DCDC1: variants seen among roughly 807,000 people sequenced by gnomAD.
The protein encoded by DCDC1 is doublecortin domain-containing protein 1.
In DCDC1, 200 loss-of-function variants were observed where a neutral mutation model predicts 178.3. That is an observed-to-expected ratio of 1.12 (90% CI 1.00 to 1.26). The LOEUF is 1.26. Among genes scored for constraint, DCDC1 ranks in the 50% most tolerant of loss-of-function variants. DCDC1 has a pLI of 0.00. For synonymous variants in DCDC1, 690 were observed against 604.8 expected (o/e 1.14, Z -2.07); for missense variants, 1,983 against 1,749.2 (o/e 1.13, Z -2.38).
At chr11:31,234,773 T>G (rs577976625) in intron 9 of DCDC1, among the ~76,000 whole-genome samples, 1 of 152,170 alleles carries the variant, frequency 6.6e-6, no homozygotes, top group Non-Finnish European at 1.5e-5. Context: ...CAGGTGAAGA[T>G]AGAATGCTAT....
chr11:31,091,358 T>G (rs1163539153), intron 17 of DCDC1, 35 bp downstream of exon 17: 1 of 701,830 alleles, frequency 1.4e-6, no homozygotes, highest in Non-Finnish European at 2.6e-6. Context: ...AAATTAGCAT[T>G]TATTATCTTG....
At chr11:31,073,290 T>C (rs1956678989) in intron 18 of DCDC1, among the ~76,000 whole-genome samples, 1 of 152,160 alleles carries the variant, frequency 6.6e-6, no homozygotes, top group Admixed American at 6.6e-5. Context: ...TCAGCGATAA[T>C]ATTGTTAGGA....
chr11:31,182,193 C>G (rs529601752), intron 9 of DCDC1, among the ~76,000 whole-genome samples: 1 of 152,278 alleles, frequency 6.6e-6, no homozygotes, highest in Admixed American at 6.5e-5. Flanking sequence ...AGGAAAACTT[C>G]CCCAACCTAG....
chr11:31,103,614 C>A (rs754969942), intron 14 of DCDC1, 30 bp downstream of exon 14: 3 of 747,078 alleles, frequency 4.0e-6, no homozygotes, highest in Non-Finnish European at 7.3e-6. Flanking sequence ...ACTTTAACCA[C>A]ATCTTTAACA....
intron 9 of DCDC1, among the ~76,000 whole-genome samples, chr11:31,171,281 C>T (rs1193059065): frequency 2.0e-5 from 3 of 151,958 alleles, no homozygotes; most frequent in Non-Finnish European, 4.4e-5. Flanking sequence ...TCTGGCCATA[C>T]AATTTCTGTT....
intron 7 of DCDC1, among the ~76,000 whole-genome samples, chr11:31,276,484 T>C (rs1194718031): frequency 6.6e-6 from 1 of 152,160 alleles, no homozygotes; most frequent in Non-Finnish European, 1.5e-5. Context: ...ATTTTTTTTT[T>C]TGCTAACTGA....
At chr11:30,899,992 T>A (rs999087524) in intron 33 of DCDC1, among the ~76,000 whole-genome samples, 3 of 152,164 alleles carry the variant, frequency 2.0e-5, no homozygotes. Flanking sequence ...GTGCAATTCT[T>A]AAAAATGAAA....
At chr11:31,311,565 G>C (rs761982872) in intron 3 of DCDC1, among the ~76,000 whole-genome samples, 1 of 152,106 alleles carries the variant, frequency 6.6e-6, no homozygotes, top group Non-Finnish European at 1.5e-5. Flanking sequence ...AATCACAGAG[G>C]AATATAAGAA....
chr11:31,044,899 T>A (rs1229277365), intron 20 of DCDC1, among the ~76,000 whole-genome samples: 1 of 152,212 alleles, frequency 6.6e-6, no homozygotes, highest in African/African-American at 2.4e-5. Flanking sequence ...ATACAGGCAG[T>A]TATTGCTACA....
Position 31,106,788 on chromosome 11 carries a change from T to TG in DCDC1, c.1751+8dup, listed in dbSNP as rs754158073. 2.6e-6 allele frequency: 2 copies of TG among 765,540 alleles called. No individual in the cohort carries two copies. Among genetic ancestry groups the TG allele is most frequent in the African/African-American group, 3.4e-5 (2 of 59,152 alleles). The allele number at this position is 765,540 out of a possible 1,614,324, so 47.4% of individuals were successfully genotyped here. ...GATTGAGGACAGAAAACAAACCCCT[T>TG]GCTCCTACCTGTATGCTCTACCATA... On this transcript the variant is annotated intron_variant, in intron 13 of 38. Coordinates refer to ENST00000684477, the MANE Select transcript of DCDC1 (RefSeq NM_001387274.1).
chr11:31,222,915 G>T (rs1974449154), intron 9 of DCDC1, among the ~76,000 whole-genome samples: 1 of 151,980 alleles, frequency 6.6e-6, no homozygotes, highest in Non-Finnish European at 1.5e-5. Context: ...ATAAATATTT[G>T]GCCCATTGCA....
intron 6 of DCDC1, among the ~76,000 whole-genome samples, chr11:31,304,937 C>G (rs906828246): frequency 6.6e-6 from 1 of 152,058 alleles, no homozygotes; most frequent in African/African-American, 2.4e-5. Context: ...TTATTTCTCC[C>G]TTAAAATGTA....
intron 13 of DCDC1, 130 bp downstream of exon 13, chr11:31,106,667 C>T: frequency 1.5e-6 from 1 of 665,368 alleles, no homozygotes; most frequent in East Asian, 2.6e-5. Context: ...GCAAAAACAC[C>T]TCTAAAATTT....
intron 17 of DCDC1, among the ~76,000 whole-genome samples, chr11:31,080,778 C>A (rs772045118): frequency 3.2e-4 from 49 of 152,164 alleles, no homozygotes; most frequent in Non-Finnish European, 6.5e-4. Context: ...GGCTATAACT[C>A]AATGCAGCTT....
chr11:31,125,936 T>C (rs1487255644), intron 11 of DCDC1, among the ~76,000 whole-genome samples: 1 of 151,810 alleles, frequency 6.6e-6, no homozygotes, highest in Non-Finnish European at 1.5e-5. Context: ...AAAATTAAAA[T>C]TAAAATAAAA....
chr11:30,969,057 C>A (rs1949632717), intron 20 of DCDC1, among the ~76,000 whole-genome samples: 1 of 151,848 alleles, frequency 6.6e-6, no homozygotes, highest in South Asian at 2.1e-4. Context: ...AATAATGATT[C>A]TTTTTTGGCC....
intron 36 of DCDC1, among the ~76,000 whole-genome samples, chr11:30,884,706 A>G (rs1943010783): frequency 6.6e-6 from 1 of 152,066 alleles, no homozygotes; most frequent in Non-Finnish European, 1.5e-5. Context: ...TGTAAACAAA[A>G]AAACTATAAA....
At chr11:30,887,264 CT>C (rs148371299) in intron 36 of DCDC1, among the ~76,000 whole-genome samples, 3,610 of 152,194 alleles carry the variant, frequency 0.024, 121 homozygotes, top group African/African-American at 0.082. Context: ...TTTTCAATGA[CT>C]TTTTTCCTTT....
chr11:31,324,584 G>T (rs1440248416), intron 3 of DCDC1, among the ~76,000 whole-genome samples: 2 of 152,026 alleles, frequency 1.3e-5, no homozygotes, highest in Non-Finnish European at 2.9e-5. Flanking sequence ...TGGGTAGCAG[G>T]AGTCTAAAAC....
Sources: gnomAD v4.1 joint callset for allele counts (sites outside exome capture counted in the v4.1 genomes callset) on GRCh38, gnomAD v4.1.1 for gene constraint, MANE v1.5 for transcripts, NCBI Gene and HGNC (gene_info 2026-07-23, HGNC 2026-07-21) for gene names.